YWHAE: variants seen among roughly 807,000 people sequenced by gnomAD.
YWHAE encodes 14-3-3 protein epsilon.
Under a neutral mutation model 30.1 loss-of-function variants are expected in YWHAE, and 4 were observed. The observed-to-expected ratio is 0.13, with a 90% CI of 0.07 to 0.30. YWHAE has a LOEUF of 0.30. YWHAE is among the 10% of genes least tolerant of loss of function. The probability of loss-of-function intolerance (pLI) is 1.00; values close to 1 mark genes in which losing one functional copy is unlikely to be tolerated. For missense variants in YWHAE, 121 were observed against 315.9 expected, an observed-to-expected ratio of 0.38 and a Z score of 4.68; for synonymous variants, 118 against 111.8, an observed-to-expected ratio of 1.06 and a Z score of -0.35.
chr17:1,390,436 A>C (rs182823580), intron 1 of YWHAE, among the ~76,000 whole-genome samples: 33 of 152,346 alleles, frequency 2.2e-4, no homozygotes, highest in Non-Finnish European at 4.6e-4. Context: ...GTTATCATCT[A>C]ATATGATCCT....
At chr17:1,371,087 AGTGT>A (rs895225457) in intron 1 of YWHAE, among the ~76,000 whole-genome samples, 1 of 151,732 alleles carries the variant, frequency 6.6e-6, no homozygotes, top group Non-Finnish European at 1.5e-5. Flanking sequence ...AGTGTGTGGT[AGTGT>A]GTGTGTGTTT....
intron 1 of YWHAE, among the ~76,000 whole-genome samples, chr17:1,386,896 G>C (rs992905817): frequency 2.0e-5 from 3 of 151,836 alleles, no homozygotes; most frequent in Admixed American, 6.6e-5. Flanking sequence ...GGAGGCTGCA[G>C]TGAGCCAAGA....
intron 1 of YWHAE, among the ~76,000 whole-genome samples, chr17:1,389,523 C>T (rs931836070): frequency 6.6e-6 from 1 of 151,206 alleles, no homozygotes; most frequent in African/African-American, 2.4e-5. Context: ...CAATGATTTA[C>T]GTTTTCTTTC....
intron 1 of YWHAE, chr17:1,369,626 C>CCGA (rs1191489228): frequency 6.6e-6 from 1 of 152,084 alleles, no homozygotes; most frequent in Non-Finnish European, 1.5e-5. Flanking sequence ...TCCCATGTAC[C>CCGA]CGAACCCCAG....
chr17:1,352,682 C>A (rs1029554863), intron 5 of YWHAE, among the ~76,000 whole-genome samples: 9 of 152,148 alleles, frequency 5.9e-5, no homozygotes, highest in African/African-American at 2.2e-4. Flanking sequence ...CCCGCCACCA[C>A]GCCCAGCCAA....
chr17:1,399,132 A>T (rs1309814219), intron 1 of YWHAE: 1 of 152,106 alleles, frequency 6.6e-6, no homozygotes, highest in African/African-American at 2.4e-5. Flanking sequence ...GTTTTTACAA[A>T]CGGGGGGACG....
chr17:1,360,430 G>A (rs1169599178), intron 4 of YWHAE, among the ~76,000 whole-genome samples: 1 of 152,096 alleles, frequency 6.6e-6, no homozygotes, highest in Non-Finnish European at 1.5e-5. Flanking sequence ...ATAAAATTAT[G>A]TTTGCTACGA....
chr17:1,352,184 T>G (rs2072646025), intron 5 of YWHAE: 1 of 152,196 alleles, frequency 6.6e-6, no homozygotes, highest in South Asian at 2.1e-4. Context: ...CGCTGGGAAG[T>G]GTTCTGTGGC....
chr17:1,356,534 A>C (rs992654124), intron 4 of YWHAE, among the ~76,000 whole-genome samples: 5 of 152,246 alleles, frequency 3.3e-5, no homozygotes, highest in African/African-American at 1.2e-4. Flanking sequence ...AGTGACTTTA[A>C]ACTGGAGCTA....
intron 1 of YWHAE, among the ~76,000 whole-genome samples, chr17:1,395,693 A>G (rs568792201): frequency 5.9e-5 from 9 of 152,322 alleles, no homozygotes; most frequent in African/African-American, 1.7e-4. Flanking sequence ...CTTATTAACA[A>G]CGTTAATTTA....
intron 4 of YWHAE, among the ~76,000 whole-genome samples, chr17:1,359,765 AGTG>A (rs1365830027): frequency 2.6e-5 from 4 of 151,164 alleles, no homozygotes; most frequent in Non-Finnish European, 4.4e-5. Context: ...GTTTTCAAAT[AGTG>A]GTGATTACAC....
At chr17:1,349,136 A>C (rs1055798053) in intron 5 of YWHAE, among the ~76,000 whole-genome samples, 2 of 151,888 alleles carry the variant, frequency 1.3e-5, no homozygotes, top group African/African-American at 4.8e-5. Flanking sequence ...AGGTTAGGAG[A>C]TTGAGACCAT....
At chr17:1,364,003 A>T (rs995072617) in intron 2 of YWHAE, among the ~76,000 whole-genome samples, 5 of 152,190 alleles carry the variant, frequency 3.3e-5, no homozygotes, top group African/African-American at 1.2e-4. Flanking sequence ...AATCAAAAGT[A>T]TTTCTAGACA....
chr17:1,376,479 T>C (rs1160825615), intron 1 of YWHAE, among the ~76,000 whole-genome samples: 1 of 152,110 alleles, frequency 6.6e-6, no homozygotes, highest in Non-Finnish European at 1.5e-5. Context: ...GGTTCACCCC[T>C]CTCCCAAAAA....
chr17:1,347,230 T>C lies in YWHAE; in HGVS notation c.716-1731A>G, dbSNP rs1174516911. Among the ~76,000 whole-genome samples, 15 of 149,120 alleles carry C rather than the reference T, an allele frequency of 1.0e-4. No individual in the cohort carries two copies. The East Asian group carries it at 3.0e-3, about 30-fold the overall frequency. On this transcript the variant is annotated intron_variant, in intron 5 of 5. Coordinates refer to ENST00000264335, the MANE Select transcript of YWHAE (RefSeq NM_006761.5). The stretch of plus-strand genomic sequence containing the variant: ...GGCAGGCGCCTGTAGTCCCAGCTAC[T>C]CGGGAGGCAGGAGAATGGCGTGAAC...
At chr17:1,381,204 C>T (rs865944363) in intron 1 of YWHAE, among the ~76,000 whole-genome samples, 1 of 152,106 alleles carries the variant, frequency 6.6e-6, no homozygotes, top group African/African-American at 2.4e-5. Context: ...ATGGCGAAAC[C>T]CCACCTCCAC....
chr17:1,354,499 T>C, intron 4 of YWHAE, 152 bp from the exon 5 acceptor site: 3 of 795,178 alleles, frequency 3.8e-6, no homozygotes, highest in Non-Finnish European at 5.9e-6. Flanking sequence ...AAAAATTAAC[T>C]TAAAGGTATG....
intron 3 of YWHAE, 154 bp downstream of exon 3, chr17:1,361,748 A>G (rs1167313397): frequency 3.6e-6 from 2 of 557,556 alleles, no homozygotes; most frequent in Non-Finnish European, 6.2e-6. Context: ...CATTTTCATA[A>G]TAGCCCAACC....
Position 1,380,402 on chromosome 17 carries a change from A to T in YWHAE, c.65-15344T>A, listed in dbSNP as rs906204624. ...GCGTGAGCCACCGCGCCCAGCCCAG[A>T]CTAGATTTTCATTCCTGCTTATTCA... On this transcript the variant is annotated intron_variant, in intron 1 of 5. Transcript: ENST00000264335. Among the ~76,000 whole-genome samples, 7 of 152,026 alleles carry T rather than the reference A, an allele frequency of 4.6e-5. No homozygotes were observed. The East Asian group carries it at 7.7e-4, about 17-fold the overall frequency.
Sources: gnomAD v4.1 joint callset for allele counts (sites outside exome capture counted in the v4.1 genomes callset) on GRCh38, gnomAD v4.1.1 for gene constraint, MANE v1.5 for transcripts, NCBI Gene and HGNC (gene_info 2026-07-23, HGNC 2026-07-21) for gene names.